Variants in PRH1 observed in about 807,000 individuals in gnomAD.
The protein encoded by PRH1 is proline rich protein HaeIII subfamily 1.
Under a neutral mutation model 7.9 loss-of-function variants are expected in PRH1, and 7 were observed. The ratio of observed to expected loss-of-function variants is 0.89; its 90% CI spans 0.50 to 1.67. The LOEUF (loss-of-function observed/expected upper bound fraction) is 1.67. Among genes scored for constraint, PRH1 ranks in the 40% most tolerant of loss-of-function variants. The probability of loss-of-function intolerance (pLI) is 0.00; values close to 1 mark genes in which losing one functional copy is unlikely to be tolerated. For synonymous variants in PRH1, 45 were observed against 80.8 expected (o/e 0.56, Z 2.38); for missense variants, 109 against 223.6 (o/e 0.49, Z 3.27).
At chr12:10,996,692 T>C (rs1359441788) in intron 1 of PRH1, 3 of 284,710 alleles carry the variant, frequency 1.1e-5, no homozygotes, top group African/African-American at 6.6e-5. Context: ...GAACAGTTTA[T>C]ATGAAAAGTT....
chr12:11,158,586 A>G lies in PRH1; in HGVS notation n.39+12836T>C, dbSNP rs983432309. On this transcript the variant is annotated intron_variant and non_coding_transcript_variant, in intron 1 of 1. Coordinates refer to the PRH1 transcript ENST00000541175. The stretch of plus-strand genomic sequence containing the variant: ...TAGCAGGCATTATTATAGTAGAGAC[A>G]TTTCCTTGAATCAGACATTATGTCC... 5.9e-5 allele frequency among the ~76,000 whole-genome samples: 9 copies of G among 152,314 alleles called. No homozygotes were observed. The South Asian group carries it at 8.3e-4, about 14-fold the overall frequency.
At chr12:11,136,087 A>C (rs1042887181) in intron 1 of PRH1, among the ~76,000 whole-genome samples, 1 of 152,094 alleles carries the variant, frequency 6.6e-6, no homozygotes, top group Non-Finnish European at 1.5e-5. Context: ...CAACCCCCTA[A>C]ACCCTTCTTC....
At chr12:11,011,391 CA>C (rs1263463392) in intron 1 of PRH1, among the ~76,000 whole-genome samples, 1 of 152,022 alleles carries the variant, frequency 6.6e-6, no homozygotes, top group Admixed American at 6.6e-5. Context: ...CAAAACAGCT[CA>C]ATTAAATTTC....
chr12:11,092,993 C>T (rs1944976861), intron 1 of PRH1, among the ~76,000 whole-genome samples: 1 of 115,412 alleles, frequency 8.7e-6, no homozygotes, highest in Non-Finnish European at 2.0e-5. Context: ...TTGTTATAGG[C>T]TGGAATTATT....
chr12:10,950,635 T>C (rs1401440831), intron 2 of PRH1, among the ~76,000 whole-genome samples: 2 of 151,958 alleles, frequency 1.3e-5, no homozygotes, highest in African/African-American at 4.8e-5. Context: ...TATCAGCAAG[T>C]AGAGTCATAC....
intron 1 of PRH1, among the ~76,000 whole-genome samples, chr12:10,978,388 T>C (rs1465877691): frequency 4.6e-5 from 7 of 152,166 alleles, no homozygotes; most frequent in Non-Finnish European, 2.9e-5. Flanking sequence ...ACTGGATACT[T>C]TCCTAATACA....
chr12:10,893,233 T>C (rs867516954), intron 2 of PRH1, among the ~76,000 whole-genome samples: 79 of 152,268 alleles, frequency 5.2e-4, no homozygotes, highest in African/African-American at 1.6e-3. Context: ...GTGTGTCAGT[T>C]CAATTTGAAT....
chr12:10,949,994 A>G (rs933642385), intron 2 of PRH1, among the ~76,000 whole-genome samples: 2 of 152,166 alleles, frequency 1.3e-5, no homozygotes, highest in African/African-American at 2.4e-5. Flanking sequence ...TATTTTTTCA[A>G]TATTGATAAT....
At chr12:11,043,933 G>T (rs1428378073) in intron 1 of PRH1, among the ~76,000 whole-genome samples, 1 of 151,938 alleles carries the variant, frequency 6.6e-6, no homozygotes, top group African/African-American at 2.4e-5. Flanking sequence ...CAGACATAGA[G>T]AAAACAATCC....
chr12:11,103,080 T>C (rs979597726), intron 1 of PRH1, among the ~76,000 whole-genome samples: 18 of 152,178 alleles, frequency 1.2e-4, no homozygotes, highest in Non-Finnish European at 2.2e-4. Context: ...AGGAACAATT[T>C]ACACTACTGG....
chr12:10,933,568 T>C (rs1950243977), intron 2 of PRH1, among the ~76,000 whole-genome samples: 1 of 152,098 alleles, frequency 6.6e-6, no homozygotes, highest in Admixed American at 6.5e-5. Context: ...GGAATGTTCA[T>C]TATTTGTTTT....
chr12:10,884,561 A>G (rs535536890), upstream of PRH1, among the ~76,000 whole-genome samples: 4 of 152,268 alleles, frequency 2.6e-5, no homozygotes, highest in East Asian at 7.7e-4. Context: ...CTGTTTGGAA[A>G]GACTGCTATT....
At chr12:11,110,827 G>A (rs1266343972) in intron 1 of PRH1, among the ~76,000 whole-genome samples, 1 of 152,082 alleles carries the variant, frequency 6.6e-6, no homozygotes, top group African/African-American at 2.4e-5. Flanking sequence ...ATGTAAATGG[G>A]AAAAATACCC....
chr12:11,079,686 GT>G (rs1313838505), intron 1 of PRH1, among the ~76,000 whole-genome samples: 1 of 117,726 alleles, frequency 8.5e-6, no homozygotes, highest in Non-Finnish European at 2.0e-5. Flanking sequence ...GACAGAGAAT[GT>G]CAAAGTTTTG....
chr12:11,141,922 G>A (rs1378590453), intron 1 of PRH1, among the ~76,000 whole-genome samples: 2 of 151,942 alleles, frequency 1.3e-5, no homozygotes, highest in Non-Finnish European at 2.9e-5. Context: ...GGAGTAGCTG[G>A]GACTACAGGC....
At chr12:11,069,085 T>C (rs188365905) in intron 1 of PRH1, among the ~76,000 whole-genome samples, 2 of 150,046 alleles carry the variant, frequency 1.3e-5, no homozygotes, top group Admixed American at 6.7e-5. Context: ...ACCTAGCTAA[T>C]TGTCATATTT....
At chr12:11,071,690 C>T (rs1481700299) in intron 1 of PRH1, among the ~76,000 whole-genome samples, 4 of 150,696 alleles carry the variant, frequency 2.7e-5, no homozygotes, top group Middle Eastern at 3.4e-3. Flanking sequence ...CAAGTTGGGG[C>T]GGCAGCTGAC....
chr12:10,881,927 T>A (rs368487952), intron 3 of PRH1, among the ~76,000 whole-genome samples: 6 of 152,004 alleles, frequency 3.9e-5, no homozygotes, highest in African/African-American at 2.4e-5. Flanking sequence ...GGAAAGAAAA[T>A]AGAGAGAGCC....
intron 1 of PRH1, among the ~76,000 whole-genome samples, chr12:11,134,982 C>G (rs952007888): frequency 1.3e-5 from 2 of 152,100 alleles, no homozygotes; most frequent in African/African-American, 2.4e-5. Context: ...AATAAAAAAT[C>G]AGTTTCCAGG....
Sources: gnomAD v4.1 joint callset for allele counts (sites outside exome capture counted in the v4.1 genomes callset) on GRCh38, gnomAD v4.1.1 for gene constraint, MANE v1.5 for transcripts, NCBI Gene and HGNC (gene_info 2026-07-23, HGNC 2026-07-21) for gene names.